The following ERICH6B variants were observed in gnomAD, a reference collection of about 807,000 sequenced individuals.
ERICH6B encodes glutamate rich 6B, also known as glutamate-rich protein 6B.
Under a neutral mutation model 80.0 loss-of-function variants are expected in ERICH6B, and 69 were observed. The observed-to-expected ratio is 0.86, with a 90% confidence interval of 0.71 to 1.05. The LOEUF (loss-of-function observed/expected upper bound fraction) is 1.05, where lower values mean the gene tolerates loss of function less well. ERICH6B is among the 50% of genes least tolerant of loss of function. ERICH6B has a pLI of 0.00. For missense variants in ERICH6B, 754 were observed against 796.1 expected (o/e 0.95, Z 0.64); for synonymous variants, 283 against 291.9 (o/e 0.97, Z 0.31).
intron 13 of ERICH6B, among the ~76,000 whole-genome samples, chr13:45,547,549 C>G (rs566641520): frequency 2.0e-5 from 3 of 152,140 alleles, no homozygotes; most frequent in Non-Finnish European, 2.9e-5. Context: ...AAAAGCCACA[C>G]GCAGGGGTGG....
intron 8 of ERICH6B, among the ~76,000 whole-genome samples, chr13:45,571,697 G>A (rs1000005749): frequency 5.3e-5 from 8 of 152,184 alleles, no homozygotes; most frequent in African/African-American, 1.4e-4. Flanking sequence ...GACTGTGATC[G>A]TTTGGAGATA....
chr13:45,608,315 T>C (rs555808365), intron 1 of ERICH6B, among the ~76,000 whole-genome samples: 1 of 152,322 alleles, frequency 6.6e-6, no homozygotes, highest in South Asian at 2.1e-4. Context: ...TTATTGGAGA[T>C]GGCATTTGCT....
intron 5 of ERICH6B, among the ~76,000 whole-genome samples, chr13:45,581,024 A>G (rs927641815): frequency 6.6e-6 from 1 of 152,190 alleles, no homozygotes; most frequent in Non-Finnish European, 1.5e-5. Flanking sequence ...TAGGAACCAT[A>G]GAACCAAGTG....
intron 3 of ERICH6B, among the ~76,000 whole-genome samples, chr13:45,594,450 C>T (rs564324275): frequency 1.2e-4 from 18 of 152,272 alleles, no homozygotes; most frequent in South Asian, 4.1e-4. Flanking sequence ...TGATTCATAC[C>T]GTGCAAGAGA....
chr13:45,567,431 A>T (rs1256050151), intron 9 of ERICH6B, among the ~76,000 whole-genome samples: 1 of 152,088 alleles, frequency 6.6e-6, no homozygotes, highest in Non-Finnish European at 1.5e-5. Context: ...GTGTTGTGAG[A>T]GGGACCCAGT....
At position 45,610,294 on chromosome 13, in the gene ERICH6B, C is replaced by G. The variant is rs545542478; in HGVS notation, c.-110-2679G>C. ...GCCCACTCAAAAGAATTAAGTAACT[C>G]AACAAGCAGGAGAACCATTTCTTAT... On this transcript the variant is annotated intron_variant, in intron 1 of 14. Coordinates refer to ENST00000298738, the MANE Select transcript of ERICH6B (RefSeq NM_182542.3). Among the ~76,000 whole-genome samples the G allele has an allele frequency of 3.2e-4, 49 of 152,186 alleles. 1 individual carries two copies. In the South Asian group the frequency reaches 1.0e-2, roughly 31 times the overall value.
intron 5 of ERICH6B, among the ~76,000 whole-genome samples, chr13:45,582,743 A>G (rs1413590314): frequency 6.6e-6 from 1 of 152,200 alleles, no homozygotes; most frequent in Non-Finnish European, 1.5e-5. Flanking sequence ...ATCTTACAGT[A>G]GCACCCACCT....
rs1216202512 is a variant in ERICH6B, at chr13:45,561,372, T to C, written c.1404A>G (p.Thr468=). ...AGCAATGTACTGTCCCTCTTACCAC[T>C]GTCTTCTTCTGTATCCATTCCTTAT... ...ERDKEWIQKK[T]VVHQGDGKLI... is the part of the protein sequence containing the mutation. Residue 468 remains threonine (T), a synonymous_variant, in exon 11 of 15, where the codon ACA becomes ACG. Coordinates refer to ENST00000298738, the MANE Select transcript of ERICH6B (RefSeq NM_182542.3). The C allele has an allele frequency of 1.9e-5, 30 of 1,551,912 alleles. No individual in the cohort carries two copies. Among genetic ancestry groups the C allele is most frequent in the Non-Finnish European group, 2.5e-5 (29 of 1,147,016 alleles).
chr13:45,598,339 G>C (rs965287647), intron 2 of ERICH6B, among the ~76,000 whole-genome samples: 4 of 152,222 alleles, frequency 2.6e-5, no homozygotes, highest in East Asian at 1.9e-4. Flanking sequence ...GCCAGTGACT[G>C]AATGAAGGGC....
At chr13:45,588,733 G>A (rs1054355733) in intron 4 of ERICH6B, among the ~76,000 whole-genome samples, 11 of 152,174 alleles carry the variant, frequency 7.2e-5, no homozygotes, top group African/African-American at 2.2e-4. Context: ...ACTGTCTGTC[G>A]TGCCTGTTCC....
At chr13:45,579,358 G>A (rs1350742064) in intron 7 of ERICH6B, among the ~76,000 whole-genome samples, 1 of 152,192 alleles carries the variant, frequency 6.6e-6, no homozygotes, top group Non-Finnish European at 1.5e-5. Context: ...AAGTAAAACA[G>A]ATCTTAGTCC....
intron 2 of ERICH6B, among the ~76,000 whole-genome samples, chr13:45,602,248 T>G (rs1949831575): frequency 6.6e-6 from 1 of 152,184 alleles, no homozygotes; most frequent in African/African-American, 2.4e-5. Flanking sequence ...CTGGTACCTC[T>G]GCCTGGGAAA....
intron 8 of ERICH6B, among the ~76,000 whole-genome samples, chr13:45,570,308 A>G (rs1875099596): frequency 6.6e-6 from 1 of 152,158 alleles, no homozygotes; most frequent in African/African-American, 2.4e-5. Context: ...ACTGAAATAA[A>G]AAATGAAGGC....
intron 2 of ERICH6B, among the ~76,000 whole-genome samples, chr13:45,604,078 G>C (rs538083702): frequency 7.1e-4 from 108 of 152,322 alleles, no homozygotes; most frequent in African/African-American, 2.5e-3. Flanking sequence ...TGGCCCAGAA[G>C]AGAAGTCGAG....
chr13:45,561,324 A>G, intron 11 of ERICH6B, 45 bp downstream of exon 11: 1 of 1,534,826 alleles, frequency 6.5e-7, no homozygotes, highest in Non-Finnish European at 8.8e-7. Context: ...GAGCCAAAAA[A>G]AATCCTGTGC....
intron 11 of ERICH6B, among the ~76,000 whole-genome samples, chr13:45,550,852 A>G (rs1874193395): frequency 6.6e-6 from 1 of 152,064 alleles, no homozygotes; most frequent in Non-Finnish European, 1.5e-5. Flanking sequence ...AGGACCCCAT[A>G]TTGGATTGGG....
In ERICH6B at chr13:45,580,482, GT is replaced by G; in HGVS notation, c.919+120del. 3.0e-6 allele frequency: 3 copies of G among 1,011,056 alleles called. No homozygotes were observed. In the Admixed American group the frequency reaches 6.4e-5, roughly 22 times the overall value. 62.6% of individuals were successfully genotyped at this position (1,011,056 alleles called of 1,614,324 possible). On this transcript the variant is annotated intron_variant, in intron 6 of 14. Transcript: ENST00000298738. ...CATTGGCCTCCATTAAGCCTGCTCT[GT>G]TCTAAAATGGCCAACAGCATGCTCT...
intron 8 of ERICH6B, among the ~76,000 whole-genome samples, chr13:45,573,348 T>G (rs189124698): frequency 7.2e-4 from 109 of 152,300 alleles, no homozygotes; most frequent in Non-Finnish European, 1.4e-3. Flanking sequence ...TGGATATGCA[T>G]GTGTTTTAAA....
intron 14 of ERICH6B, among the ~76,000 whole-genome samples, chr13:45,544,272 A>G (rs1873902650): frequency 6.6e-6 from 1 of 152,114 alleles, no homozygotes; most frequent in South Asian, 2.1e-4. Flanking sequence ...ACGGGGTTTG[A>G]CTGTGTTGGC....
Sources: allele counts gnomAD v4.1 joint callset (sites outside exome capture counted in the v4.1 genomes callset), GRCh38; gene constraint gnomAD v4.1.1; transcripts MANE v1.5; gene names NCBI Gene and HGNC (gene_info 2026-07-23, HGNC 2026-07-21).